The following CREBBP variants were observed in gnomAD, a reference collection of about 807,000 sequenced individuals.
CREBBP encodes CREB-binding protein.
CREBBP carries 19 observed loss-of-function variants against 265.0 expected under a neutral mutation model. That is an observed-to-expected ratio of 0.07 (90% CI 0.05 to 0.11). The LOEUF is 0.11. Ranked by LOEUF, CREBBP falls within the 10% of genes least tolerant of loss-of-function variation. CREBBP has a pLI of 1.00. For missense variants in CREBBP, 2,525 were observed against 3,219.0 expected, an observed-to-expected ratio of 0.78 and a Z score of 5.22; for synonymous variants, 1,457 against 1,223.7, an observed-to-expected ratio of 1.19 and a Z score of -3.98.
chr16:3,733,693 G>C (rs187268293), intron 28 of CREBBP, among the ~76,000 whole-genome samples: 2 of 152,276 alleles, frequency 1.3e-5, no homozygotes, highest in East Asian at 3.9e-4. Context: ...CCAGGCTGGA[G>C]TGCAGTGGCA....
chr16:3,774,524 G>A, intron 12 of CREBBP, 45 bp downstream of exon 12: 1 of 1,612,842 alleles, frequency 6.2e-7, no homozygotes, highest in Non-Finnish European at 8.5e-7. Flanking sequence ...AATGTTCCAT[G>A]TGAGAGGGAG....
At chr16:3,822,811 C>T (rs750371046) in intron 2 of CREBBP, among the ~76,000 whole-genome samples, 9 of 152,156 alleles carry the variant, frequency 5.9e-5, no homozygotes, top group Non-Finnish European at 1.3e-4. Flanking sequence ...TAAATACAGT[C>T]GTCCCTCCTG....
intron 19 of CREBBP, among the ~76,000 whole-genome samples, chr16:3,755,325 C>G (rs997849285): frequency 3.3e-5 from 5 of 152,208 alleles, no homozygotes; most frequent in African/African-American, 1.2e-4. Context: ...GACCCAGGAA[C>G]AGGCCCCACA....
intron 16 of CREBBP, among the ~76,000 whole-genome samples, chr16:3,763,871 G>A (rs2052782888): frequency 7.2e-6 from 1 of 139,208 alleles, no homozygotes; most frequent in African/African-American, 2.7e-5. Flanking sequence ...TTGAGAAGGA[G>A]TCTCACTCTG....
chr16:3,817,577 G>C (rs1223552334), intron 2 of CREBBP, among the ~76,000 whole-genome samples: 2 of 152,156 alleles, frequency 1.3e-5, no homozygotes, highest in East Asian at 3.8e-4. Flanking sequence ...AGAGAGAAAA[G>C]TCAAGTCAAG....
chr16:3,824,368 A>T (rs2054199159), intron 2 of CREBBP, among the ~76,000 whole-genome samples: 1 of 152,224 alleles, frequency 6.6e-6, no homozygotes, highest in South Asian at 2.1e-4. Context: ...TAATCAAATA[A>T]TCTAAATGTC....
chr16:3,744,020 G>A (rs900861462), intron 23 of CREBBP, among the ~76,000 whole-genome samples: 2 of 151,984 alleles, frequency 1.3e-5, no homozygotes, highest in African/African-American at 2.4e-5. Flanking sequence ...AGGTTGCAGT[G>A]AGCTGAGATT....
chr16:3,849,437 G>GTGTGTGTGTGATGTGCGTGACCT (rs2054759204), intron 2 of CREBBP, among the ~76,000 whole-genome samples: 1 of 16,478 alleles, frequency 6.1e-5, no homozygotes, highest in African/African-American at 1.1e-4. Flanking sequence ...GTGTGTGTGT[G>GTGTGTGTGTGATGTGCGTGACCT]TGTGTGTGTG....
intron 1 of CREBBP, among the ~76,000 whole-genome samples, chr16:3,867,249 C>T (rs1412877226): frequency 6.6e-6 from 1 of 152,150 alleles, no homozygotes; most frequent in Non-Finnish European, 1.5e-5. Flanking sequence ...AGCAAAACCT[C>T]TAATATTCTT....
chr16:3,818,897 G>T (rs925160548), intron 2 of CREBBP, among the ~76,000 whole-genome samples: 7 of 152,200 alleles, frequency 4.6e-5, no homozygotes, highest in African/African-American at 7.2e-5. Context: ...CCCCGGAAAG[G>T]GCAGGGACAC....
At chr16:3,763,712 C>T (rs111639717) in intron 16 of CREBBP, among the ~76,000 whole-genome samples, 5,119 of 152,272 alleles carry the variant, frequency 0.034, 230 homozygotes, top group East Asian at 0.19. Flanking sequence ...GATCCACCCG[C>T]CTCAGCTTCC....
rs535013297 is a variant in CREBBP at position 3,853,824 on chromosome 16, C to T, written c.86-2815G>A. ...TGGTGGCAGGCGCCTGTAATTGCAG[C>T]TACTCGAGAGGCTGAGGCAGGAGAG... is the stretch of plus-strand genomic sequence containing the variant. On this transcript the variant is annotated intron_variant, in intron 1 of 30. Transcript: ENST00000262367. Among the ~76,000 whole-genome samples, 77 of 152,036 alleles carry T rather than the reference C, an allele frequency of 5.1e-4. 1 individual carries two copies. Among genetic ancestry groups the T allele is most frequent in the African/African-American group, 1.8e-3 (74 of 41,452 alleles).
chr16:3,736,997 A>G, intron 26 of CREBBP, 182 bp from the exon 27 acceptor site: 1 of 718,924 alleles, frequency 1.4e-6, no homozygotes, highest in East Asian at 2.7e-5. Context: ...AGCAAATGCA[A>G]GCCTGCAAAT....
intron 5 of CREBBP, among the ~76,000 whole-genome samples, chr16:3,789,197 G>A (rs2053453456): frequency 6.6e-6 from 1 of 152,120 alleles, no homozygotes; most frequent in African/African-American, 2.4e-5. Flanking sequence ...GGCCCCTAAG[G>A]CAGTCTCCAC....
intron 5 of CREBBP, among the ~76,000 whole-genome samples, chr16:3,783,206 T>A (rs1287187692): frequency 1.3e-5 from 2 of 152,150 alleles, no homozygotes; most frequent in African/African-American, 2.4e-5. Flanking sequence ...TGAAAAAAAT[T>A]ATTATGTCTT....
At position 3,745,369 on chromosome 16, in the gene CREBBP, A is replaced by C. The variant is rs1366348825; in HGVS notation, c.3837-15T>G. 5 of 1,613,284 alleles carry C rather than the reference A, an allele frequency of 3.1e-6. No individual in the cohort carries two copies. Among genetic ancestry groups the C allele is most frequent in the Admixed American group, 1.7e-5 (1 of 59,936 alleles). ...AATCAACGAAACTAGGAGGCAAAGA[A>C]GGCGCACTGTTAAAGCACACGGAAC... is the stretch of plus-strand genomic sequence containing the variant. On this transcript the variant is annotated splice_polypyrimidine_tract_variant and intron_variant, in intron 21 of 30. Transcript: ENST00000262367.
intron 3 of CREBBP, among the ~76,000 whole-genome samples, chr16:3,797,232 A>AT (rs2053625654): frequency 6.6e-6 from 1 of 152,162 alleles, no homozygotes; most frequent in South Asian, 2.1e-4. Flanking sequence ...GTTTTGTGTG[A>AT]TTTTGTTTTT....
chr16:3,810,327 G>A (rs2053912655), intron 3 of CREBBP, among the ~76,000 whole-genome samples: 1 of 152,172 alleles, frequency 6.6e-6, no homozygotes, highest in African/African-American at 2.4e-5. Context: ...TGATTCTGGA[G>A]AGAAAGGTAA....
At chr16:3,772,725 G>A (rs902886294) in intron 13 of CREBBP, among the ~76,000 whole-genome samples, 3 of 151,984 alleles carry the variant, frequency 2.0e-5, no homozygotes, top group African/African-American at 7.3e-5. Flanking sequence ...ATCATTTAGT[G>A]AGGAAATCTA....
Sources: gnomAD v4.1 joint callset for allele counts (sites outside exome capture counted in the v4.1 genomes callset) on GRCh38, gnomAD v4.1.1 for gene constraint, MANE v1.5 for transcripts, NCBI Gene and HGNC (gene_info 2026-07-23, HGNC 2026-07-21) for gene names.